Variants in CAMTA1 observed in about 807,000 individuals in gnomAD.
CAMTA1 encodes calmodulin binding transcription activator 1.
CAMTA1 carries 27 observed loss-of-function variants against 170.9 expected under a neutral mutation model. That is an observed-to-expected ratio of 0.16 (90% CI 0.12 to 0.22). CAMTA1 has a LOEUF of 0.22. CAMTA1 is among the 10% of genes least tolerant of loss of function. The pLI, the probability that CAMTA1 is intolerant of heterozygous loss-of-function variation, is 1.00. For missense variants in CAMTA1, 1,619 were observed against 2,217.2 expected (o/e 0.73, Z 5.42); for synonymous variants, 833 against 891.5 (o/e 0.93, Z 1.17).
At chr1:7,498,288 A>G (rs2093871717) in intron 6 of CAMTA1, among the ~76,000 whole-genome samples, 1 of 148,200 alleles carries the variant, frequency 6.7e-6, no homozygotes, top group Non-Finnish European at 1.5e-5. Flanking sequence ...GTGAGCGTGT[A>G]TGAGCGTGAC....
chr1:7,123,985 C>G (rs1183271561), intron 4 of CAMTA1, among the ~76,000 whole-genome samples: 3 of 152,128 alleles, frequency 2.0e-5, no homozygotes, highest in Admixed American at 2.0e-4. Flanking sequence ...GAGAATGTCA[C>G]CCCACAGCTT....
chr1:7,097,218 G>A (rs952869401), intron 4 of CAMTA1, among the ~76,000 whole-genome samples: 1 of 152,150 alleles, frequency 6.6e-6, no homozygotes. Flanking sequence ...GTGGGGTGGC[G>A]GGTTCCCCAA....
chr1:7,139,252 A>G (rs1207183665), intron 4 of CAMTA1, among the ~76,000 whole-genome samples: 2 of 144,136 alleles, frequency 1.4e-5, no homozygotes, highest in Non-Finnish European at 3.0e-5. Flanking sequence ...ATTTATAATT[A>G]TAAAATTATA....
intron 3 of CAMTA1, among the ~76,000 whole-genome samples, chr1:6,850,191 AC>A (rs1434365074): frequency 6.6e-6 from 1 of 152,190 alleles, no homozygotes; most frequent in East Asian, 1.9e-4. Context: ...GAAGGACCAT[AC>A]CCATTCTAAT....
rs879551660 is a variant in CAMTA1, at chr1:7,640,561, GC to G, written c.664+10del. 5 of 1,614,074 alleles carry G rather than the reference GC, an allele frequency of 3.1e-6. No homozygotes were observed. Among genetic ancestry groups the G allele is most frequent in the Non-Finnish European group, 3.4e-6 (4 of 1,179,946 alleles). On this transcript the variant is annotated intron_variant, in intron 7 of 22. Coordinates refer to ENST00000303635, the MANE Select transcript of CAMTA1 (RefSeq NM_015215.4). ...GGCAGCTGAAACCCATGTGTGAGTG[GC>G]CTTGGCCGGCCTGGCGCCCCCACGC...
At chr1:7,280,240 C>T (rs1367199064) in intron 5 of CAMTA1, among the ~76,000 whole-genome samples, 3 of 152,238 alleles carry the variant, frequency 2.0e-5, no homozygotes, top group African/African-American at 7.2e-5. Context: ...ATCTGGCTCG[C>T]CAGTCAGCGA....
At position 7,456,952 on chromosome 1, in the gene CAMTA1, A is replaced by G. The variant is rs1322781989; in HGVS notation, c.439-10878A>G. Reference sequence around the variant, plus strand: ...CCAGATGGGAGCAGCCCATGTGGAGAGTGGAGCGAGGCCCAGCAGAGTTCG... The same window carrying G: ...CCAGATGGGAGCAGCCCATGTGGAGGGTGGAGCGAGGCCCAGCAGAGTTCG... On this transcript the variant is annotated intron_variant, in intron 5 of 22. Transcript: ENST00000303635. This position sits in a 1 kb window ranked among gnomAD's most constrained non-coding sequence, Gnocchi z 4.9. 6.6e-6 allele frequency among the ~76,000 whole-genome samples: 1 copy of G among 152,116 alleles called. No individual in the cohort carries two copies. Among genetic ancestry groups the G allele is most frequent in the East Asian group, 1.9e-4 (1 of 5,170 alleles).
intron 5 of CAMTA1, among the ~76,000 whole-genome samples, chr1:7,296,023 C>G (rs1181269283): frequency 1.3e-5 from 2 of 152,162 alleles, no homozygotes; most frequent in Admixed American, 1.3e-4. Flanking sequence ...CTTCTAAACT[C>G]GATCATGGGG....
At chr1:7,403,355 A>T (rs1401329098) in intron 5 of CAMTA1, among the ~76,000 whole-genome samples, 1 of 152,182 alleles carries the variant, frequency 6.6e-6, no homozygotes, top group African/African-American at 2.4e-5. Context: ...ATCTCAAAAA[A>T]AAGAAAGAAA....
chr1:6,820,347 C>G, intron 2 of CAMTA1, 97 bp downstream of exon 2: 1 of 1,210,162 alleles, frequency 8.3e-7, no homozygotes, highest in Non-Finnish European at 1.2e-6. Flanking sequence ...TCAGCCCGGA[C>G]TCAGAAGACC....
intron 4 of CAMTA1, among the ~76,000 whole-genome samples, chr1:7,205,478 G>A (rs1344652036): frequency 2.0e-5 from 3 of 152,102 alleles, no homozygotes; most frequent in Admixed American, 2.0e-4. Context: ...TTGGTGCTGT[G>A]TTACTAGGTG....
At chr1:7,165,594 A>G (rs372712344) in intron 4 of CAMTA1, among the ~76,000 whole-genome samples, 1 of 151,930 alleles carries the variant, frequency 6.6e-6, no homozygotes, top group Non-Finnish European at 1.5e-5. Context: ...ACCATGCCTG[A>G]CTAATTTTAG....
At chr1:7,165,464 C>T (rs1216475113) in intron 4 of CAMTA1, among the ~76,000 whole-genome samples, 1 of 152,168 alleles carries the variant, frequency 6.6e-6, no homozygotes, top group East Asian at 1.9e-4. Flanking sequence ...CGGAGTCTCA[C>T]TCTGTCACCC....
rs111443728 is a variant in CAMTA1 at position 7,565,851 on chromosome 1, G to A, written c.511-74549G>A. ...GGAGGGCCAAGATCAGGATGCTAGCGTGGTTGGGGGCTGGTGAGGACTCCC... is the reference window on the plus strand; with the variant it reads ...GGAGGGCCAAGATCAGGATGCTAGCATGGTTGGGGGCTGGTGAGGACTCCC... On this transcript the variant is annotated intron_variant, in intron 6 of 22. Transcript: ENST00000303635. The surrounding 1 kb of genome is among the most constrained non-coding windows in gnomAD (Gnocchi z 4.5). Among the ~76,000 whole-genome samples the A allele has an allele frequency of 2.4e-4, 36 of 152,272 alleles. No homozygotes were observed. Among genetic ancestry groups the A allele is most frequent in the Admixed American group, 5.2e-4 (8 of 15,310 alleles).
In CAMTA1 at chr1:7,151,529, C is replaced by T. The variant is rs191202066; in HGVS notation, c.302+60158C>T. ...GAATGAATATAGCCATCCTCCGAGA[C>T]GGGAGCTGCTTTTTCTTGGCACAGC... On this transcript the variant is annotated intron_variant, in intron 4 of 22. Transcript: ENST00000303635. 5.3e-5 allele frequency among the ~76,000 whole-genome samples: 8 copies of T among 152,292 alleles called. No homozygotes were observed. The East Asian group carries it at 7.7e-4, about 15-fold the overall frequency.
intron 5 of CAMTA1, among the ~76,000 whole-genome samples, chr1:7,261,759 A>T (rs1005376441): frequency 3.9e-5 from 6 of 152,258 alleles, no homozygotes; most frequent in Non-Finnish European, 8.8e-5. Context: ...CCCAGGTAAC[A>T]TTCAATGATG....
intron 3 of CAMTA1, among the ~76,000 whole-genome samples, chr1:6,973,586 C>T (rs982400307): frequency 5.9e-5 from 9 of 152,162 alleles, no homozygotes; most frequent in Admixed American, 1.3e-4. Flanking sequence ...GCAGTGGGCA[C>T]GGGAGTGCTA....
chr1:6,789,804 C>CTTTTTTTTTTTTT (rs34542033), intron 1 of CAMTA1, among the ~76,000 whole-genome samples: 3 of 85,660 alleles, frequency 3.5e-5, no homozygotes, highest in East Asian at 4.2e-4. Flanking sequence ...TTTAGTGTAT[C>CTTTTTTTTTTTTT]TTTTTTTTTT....
At chr1:7,612,183 C>G (rs1011560800) in intron 6 of CAMTA1, among the ~76,000 whole-genome samples, 3 of 152,194 alleles carry the variant, frequency 2.0e-5, no homozygotes, top group African/African-American at 7.2e-5. Flanking sequence ...CCAGAAGAAT[C>G]AGGTCACACG....
Sources: gnomAD v4.1 joint callset for allele counts (sites outside exome capture counted in the v4.1 genomes callset) on GRCh38, gnomAD v4.1.1 for gene constraint, Gnocchi (gnomAD v3.1) non-coding constraint, MANE v1.5 for transcripts, NCBI Gene and HGNC (gene_info 2026-07-23, HGNC 2026-07-21) for gene names.